DNAH17: variants seen among roughly 807,000 people sequenced by gnomAD.
DNAH17 encodes dynein axonemal heavy chain 17.
DNAH17 carries 376 observed loss-of-function variants against 485.6 expected under a neutral mutation model. The observed-to-expected ratio is 0.77, with a 90% CI of 0.71 to 0.84. The LOEUF is 0.84. Among genes scored for constraint, DNAH17 ranks in the 40% least tolerant of loss-of-function variants. DNAH17 has a pLI of 0.00. For synonymous variants in DNAH17, 3,031 were observed against 2,405.9 expected (o/e 1.26, Z -7.60); for missense variants, 6,370 against 5,839.3 (o/e 1.09, Z -2.96).
chr17:78,572,425 T>G (rs2092372077), intron 3 of DNAH17, among the ~76,000 whole-genome samples: 1 of 152,076 alleles, frequency 6.6e-6, no homozygotes, highest in African/African-American at 2.4e-5. Context: ...GGTGACTGGA[T>G]CGGCACACAT....
In DNAH17 at chr17:78,510,441, G is replaced by C. The variant is rs200358276; in HGVS notation, c.4179C>G (p.Tyr1393Ter). 4.3e-6 allele frequency: 7 copies of C among 1,613,680 alleles called. No individual in the cohort carries two copies. The highest frequency in any genetic ancestry group is 4.2e-6 in the Non-Finnish European group (5 of 1,179,764). Residue 1393 changes from tyrosine to a stop codon, truncating the protein, a stop_gained, in exon 27 of 81, where the codon TAC (tyrosine) becomes TAG (stop). Transcript: ENST00000389840. LOFTEE classifies it high-confidence loss of function. ...CCACGATGTTGCGGACCTCATCCTC[G>C]TAACTGTGGAGGTTCAGCTGCAGTA... is the stretch of plus-strand genomic sequence containing the variant. ...ADLLQLNLHS[Y>*]EDEVRNIVDK...
chr17:78,429,410 G>A lies in DNAH17; in HGVS notation c.12226-110C>T, dbSNP rs1709751. On this transcript the variant is annotated intron_variant, in intron 75 of 80. Coordinates refer to ENST00000389840, the MANE Select transcript of DNAH17 (RefSeq NM_173628.4). ...GTGGGAACCCAGCCATTGGTGCTGT[G>A]TCCTTCTCGCCCTCCAGGTCAGCCT... 0.16 allele frequency: 194,761 copies of A among 1,222,806 alleles called. 16,527 individuals carry two copies. Among genetic ancestry groups the A allele is most frequent in the Middle Eastern group, 0.2 (949 of 4,736 alleles). 75.7% of individuals were successfully genotyped at this position (1,222,806 alleles called of 1,614,324 possible).
chr17:78,438,444 A>AGGAGG (rs1568050755), intron 73 of DNAH17, among the ~76,000 whole-genome samples: 1 of 26,168 alleles, frequency 3.8e-5, no homozygotes, highest in Non-Finnish European at 8.1e-5. Context: ...GAGGAGGAGG[A>AGGAGG]GGGAGGAGGG....
chr17:78,521,614 GA>G (rs1362698412), intron 25 of DNAH17, among the ~76,000 whole-genome samples: 1 of 151,990 alleles, frequency 6.6e-6, no homozygotes, highest in African/African-American at 2.4e-5. Context: ...TAGGATCTAG[GA>G]AAAGAGTTCA....
At chr17:78,526,539 A>G in intron 24 of DNAH17, 112 bp downstream of exon 24, 3 of 892,108 alleles carry the variant, frequency 3.4e-6, no homozygotes, top group Non-Finnish European at 5.1e-6. Flanking sequence ...CACGGCCCCA[A>G]GGTCAGTCCG....
rs775584758 is a variant in DNAH17, at chr17:78,526,753, G to A, written c.3625-16C>T. ...GTTGCTTGAGCTGCGAGAGAAGAGT[G>A]CAAAGTACAGAGAGTCACGGGGCGG... On this transcript the variant is annotated splice_polypyrimidine_tract_variant and intron_variant, in intron 23 of 80. Transcript: ENST00000389840. 17 of 1,598,658 alleles carry A rather than the reference G, an allele frequency of 1.1e-5. No homozygotes were observed. Among genetic ancestry groups the A allele is most frequent in the Middle Eastern group, 1.7e-4 (1 of 5,852 alleles).
At chr17:78,544,110 T>C (rs1295751104) in intron 16 of DNAH17, 113 bp from the exon 17 acceptor site, 1 of 1,472,908 alleles carries the variant, frequency 6.8e-7, no homozygotes. Context: ...TGATCTTGGA[T>C]TGGAGTCTAG....
intron 35 of DNAH17, 152 bp downstream of exon 35, chr17:78,501,013 GGTGCTAGAACAAGGACACA>G: frequency 2.9e-6 from 2 of 695,120 alleles, no homozygotes; most frequent in Non-Finnish European, 4.3e-6. Flanking sequence ...CCACACAGCC[GGTGCTAGAACAAGGACACA>G]GTGGTAGAAC....
In DNAH17 at chr17:78,488,750, G is replaced by A. The variant is rs2089721465; in HGVS notation, c.6818+1949C>T. ...GAGACAAGATCATCCTGGATTTAGG[G>A]TGGACCCTGAATCCAATGACTGTGT... On this transcript the variant is annotated intron_variant, in intron 44 of 80. Transcript: ENST00000389840. 5.3e-5 allele frequency among the ~76,000 whole-genome samples: 8 copies of A among 152,268 alleles called. No homozygotes were observed. In the South Asian group the frequency reaches 1.7e-3, roughly 32 times the overall value.
chr17:78,427,239 C>A, intron 77 of DNAH17, 131 bp from the exon 78 acceptor site: 1 of 885,228 alleles, frequency 1.1e-6, no homozygotes, highest in Admixed American at 2.3e-5. Flanking sequence ...AGTAGAGTTG[C>A]CAGAAATGCA....
chr17:78,461,667 C>T lies in DNAH17; in HGVS notation c.9216G>A (p.Glu3072=). 6.2e-7 allele frequency: 1 copy of T among 1,611,800 alleles called. No homozygotes were observed. The highest frequency in any genetic ancestry group is 8.5e-7 in the Non-Finnish European group (1 of 1,179,292). The part of the protein sequence containing the change: ...LKAKLAIQEA[E]LKQKNESADQ... Reference sequence around the variant, plus strand: ...CTGCGCTCTCATTCTTCTGCTTGAGCTCAGCCTCCTGAATCGCCAACTTGG... The same window carrying T: ...CTGCGCTCTCATTCTTCTGCTTGAGTTCAGCCTCCTGAATCGCCAACTTGG... The change falls in exon 58 of 81, where the codon GAG becomes GAA. Residue 3072 remains glutamate, a synonymous_variant. Coordinates refer to ENST00000389840, the MANE Select transcript of DNAH17 (RefSeq NM_173628.4).
intron 9 of DNAH17, 57 bp from the exon 10 acceptor site, chr17:78,567,223 G>A: frequency 6.5e-7 from 1 of 1,542,044 alleles, no homozygotes; most frequent in Non-Finnish European, 8.8e-7. Context: ...CACGGGTCCA[G>A]TTACAAAACT....
chr17:78,479,001 G>A (rs2089231430), intron 51 of DNAH17, 24 bp downstream of exon 51: 3 of 1,604,812 alleles, frequency 1.9e-6, no homozygotes, highest in East Asian at 2.2e-5. Flanking sequence ...AGGCAGGCAT[G>A]ACATAAAGCT....
chr17:78,487,734 A>G (rs8079559), intron 44 of DNAH17, among the ~76,000 whole-genome samples: 46,688 of 151,844 alleles, frequency 0.31, 7,397 homozygotes, highest in African/African-American at 0.36. Flanking sequence ...CACGTTGGCC[A>G]GGCTGGTCTT....
chr17:78,548,924 G>GC (rs796208438), intron 16 of DNAH17, among the ~76,000 whole-genome samples: 9 of 152,356 alleles, frequency 5.9e-5, no homozygotes, highest in African/African-American at 2.2e-4. Context: ...CCTCCACCAA[G>GC]CCCCTTGGCT....
intron 48 of DNAH17, among the ~76,000 whole-genome samples, chr17:78,481,644 C>T (rs2089355747): frequency 6.6e-6 from 1 of 152,112 alleles, no homozygotes; most frequent in African/African-American, 2.4e-5. Flanking sequence ...GGGAAGAGTA[C>T]CTGACATACA....
rs762060781 is a variant in DNAH17 at position 78,560,867 on chromosome 17, C to T, written c.1904G>A (p.Cys635Tyr). ...CTGCTGGTAGATCTTCTCGCGGTGG[C>T]ACCTCAGCAGCTCCATCATCTCGTC... is the stretch of plus-strand genomic sequence containing the variant. ...KYDEMMELLRCHREKIYQQWV... is the reference protein window; with the variant it reads ...KYDEMMELLRYHREKIYQQWV... The change falls in exon 13 of 81, where the codon TGC becomes TAC. Residue 635 changes from cysteine (C) to tyrosine (Y), a missense_variant. Cys to Tyr is a radical substitution (Grantham distance 194). Coordinates refer to ENST00000389840, the MANE Select transcript of DNAH17 (RefSeq NM_173628.4). 13 of 1,551,606 alleles carry T rather than the reference C, an allele frequency of 8.4e-6. No homozygotes were observed. The Admixed American group carries it at 2.0e-4, about 23-fold the overall frequency.
chr17:78,550,805 G>A (rs1222192197), intron 16 of DNAH17, among the ~76,000 whole-genome samples: 2 of 152,148 alleles, frequency 1.3e-5, no homozygotes, highest in Non-Finnish European at 2.9e-5. Context: ...CCCCTGACCT[G>A]GACAAGATCA....
At chr17:78,430,535 A>G (rs1263936246) in intron 75 of DNAH17, among the ~76,000 whole-genome samples, 3 of 152,190 alleles carry the variant, frequency 2.0e-5, no homozygotes, top group Admixed American at 1.3e-4. Context: ...TGATGAATCA[A>G]TCATCTGATT....
Sources: gnomAD v4.1 joint callset for allele counts (sites outside exome capture counted in the v4.1 genomes callset) on GRCh38, gnomAD v4.1.1 for gene constraint, MANE v1.5 for transcripts, NCBI Gene and HGNC (gene_info 2026-07-23, HGNC 2026-07-21) for gene names.